ZNF577: variants seen among roughly 807,000 people sequenced by gnomAD.
ZNF577 encodes the protein zinc finger protein 577.
A neutral mutation model predicts 13.9 loss-of-function variants in ZNF577; 14 were observed. That is an observed-to-expected ratio of 1.00 (90% confidence interval 0.66 to 1.57). The LOEUF (loss-of-function observed/expected upper bound fraction) is 1.57. Ranked by LOEUF, ZNF577 falls within the 40% of genes most tolerant of loss-of-function variation. The pLI, the probability that ZNF577 is intolerant of heterozygous loss-of-function variation, is 0.00. For missense variants in ZNF577, 555 were observed against 579.2 expected, an observed-to-expected ratio of 0.96 and a Z score of 0.43; for synonymous variants, 203 against 202.9, an observed-to-expected ratio of 1.00 and a Z score of 0.00.
At chr19:51,849,426 A>G (rs1415958130) in intron 5 of ZNF577, among the ~76,000 whole-genome samples, 2 of 152,198 alleles carry the variant, frequency 1.3e-5, no homozygotes, top group Admixed American at 1.3e-4. Context: ...CGTTTCGTTC[A>G]TGAGAATTCT....
chr19:51,805,752 A>G (rs1228703609), intron 10 of ZNF577, among the ~76,000 whole-genome samples: 1 of 152,206 alleles, frequency 6.6e-6, no homozygotes, highest in East Asian at 1.9e-4. Flanking sequence ...ATGCAAAGTT[A>G]CAGAGGACAT....
At chr19:51,816,026 C>T (rs780472602) in intron 9 of ZNF577, among the ~76,000 whole-genome samples, 2 of 151,356 alleles carry the variant, frequency 1.3e-5, no homozygotes, top group Middle Eastern at 6.8e-3. Context: ...GTGACTGCAC[C>T]ACTACACCCC....
chr19:51,881,662 T>C (rs962428525), intron 1 of ZNF577, among the ~76,000 whole-genome samples: 1 of 152,144 alleles, frequency 6.6e-6, no homozygotes, highest in Non-Finnish European at 1.5e-5. Context: ...TACCCACTTT[T>C]AGAACTTTAC....
At chr19:51,860,733 T>A in intron 5 of ZNF577, 1 of 253,540 alleles carries the variant, frequency 3.9e-6, no homozygotes, top group South Asian at 4.0e-5. Context: ...CATGAAGGCT[T>A]TACCACATTT....
chr19:51,883,133 C>T (rs1441346579), intron 1 of ZNF577, among the ~76,000 whole-genome samples: 1 of 151,824 alleles, frequency 6.6e-6, no homozygotes. Context: ...GTTGGGATTA[C>T]AGGTGCCCAC....
At chr19:51,839,405 C>T (rs993099088) in intron 9 of ZNF577, among the ~76,000 whole-genome samples, 1 of 151,960 alleles carries the variant, frequency 6.6e-6, no homozygotes, top group African/African-American at 2.4e-5. Context: ...AATGATTAAA[C>T]ATAATAATAA....
At chr19:51,842,145 G>C in intron 8 of ZNF577, among the ~76,000 whole-genome samples, 1 of 152,148 alleles carries the variant, frequency 6.6e-6, no homozygotes, top group East Asian at 1.9e-4. Flanking sequence ...TATCTAATAG[G>C]CTGCAAAAGA....
downstream of ZNF577, chr19:51,862,935 T>C (rs2084519333): frequency 1.3e-5 from 2 of 152,302 alleles, no homozygotes; most frequent in African/African-American, 4.8e-5. Context: ...TTCTTTGACA[T>C]AAAATGAGTT....
downstream of ZNF577, among the ~76,000 whole-genome samples, chr19:51,865,183 G>A (rs909075687): frequency 1.1e-4 from 17 of 152,014 alleles, no homozygotes; most frequent in African/African-American, 2.9e-4. Context: ...TGCAACCTTC[G>A]CCTCTAGGGT....
chr19:51,877,713 AT>A (rs1279683566), intron 4 of ZNF577: 1 of 201,034 alleles, frequency 5.0e-6, no homozygotes, highest in African/African-American at 2.3e-5. Flanking sequence ...TCCTCAAAAA[AT>A]TAACAATGGA....
chr19:51,853,065 TAGCAGGGATGACAGGCACAGGCC>T (rs1393726333), intron 5 of ZNF577, among the ~76,000 whole-genome samples: 1 of 151,882 alleles, frequency 6.6e-6, no homozygotes, highest in Non-Finnish European at 1.5e-5. Context: ...GCCTCCAGAG[TAGCAGGGATGACAGGCACAGGCC>T]GCCCCACCCA....
rs575339798 is a variant in ZNF577 at position 51,833,942 on chromosome 19, T to C, written c.*599+5951A>G. ...GTGATATGTTGATACATGCATACAA[T>C]GTGTATAATAGTCAAATCAGGGTAA... On this transcript the variant is annotated intron_variant and NMD_transcript_variant, in intron 9 of 10. Coordinates refer to the ZNF577 transcript ENST00000638827. 1.3e-4 allele frequency among the ~76,000 whole-genome samples: 20 copies of C among 152,342 alleles called. No homozygotes were observed. The South Asian group carries it at 3.3e-3, about 25-fold the overall frequency.
At chr19:51,838,074 C>G (rs1012944892) in intron 9 of ZNF577, among the ~76,000 whole-genome samples, 1 of 152,166 alleles carries the variant, frequency 6.6e-6, no homozygotes, top group African/African-American at 2.4e-5. Flanking sequence ...CATTCAGATG[C>G]CTGACCTACA....
intron 5 of ZNF577, 95 bp downstream of exon 5, chr19:51,877,187 T>C (rs1021074771): frequency 3.1e-5 from 32 of 1,026,472 alleles, no homozygotes; most frequent in Non-Finnish European, 4.4e-5. Context: ...TACTGTGAAG[T>C]CCTCTAAAGA....
intron 4 of ZNF577, chr19:51,878,112 G>A (rs886537619): frequency 4.8e-6 from 1 of 206,334 alleles, no homozygotes; most frequent in African/African-American, 2.3e-5. Context: ...GGAGAAGTGG[G>A]GGAATGAGTA....
chr19:51,877,592 A>G (rs2084786973), intron 4 of ZNF577: 1 of 407,008 alleles, frequency 2.5e-6, no homozygotes, highest in East Asian at 3.8e-5. Context: ...AAAAAAACAA[A>G]CAGACAAACA....
chr19:51,878,801 G>A (rs894897257), intron 3 of ZNF577: 5 of 284,850 alleles, frequency 1.8e-5, no homozygotes, highest in Non-Finnish European at 3.4e-5. Context: ...AGCAGACAGG[G>A]TTAAATTACA....
chr19:51,834,116 G>A (rs975306433), intron 9 of ZNF577, among the ~76,000 whole-genome samples: 6 of 152,038 alleles, frequency 3.9e-5, no homozygotes, highest in African/African-American at 1.2e-4. Context: ...GTAGGGGCAG[G>A]GTCTTGCTCT....
intron 3 of ZNF577, among the ~76,000 whole-genome samples, chr19:51,879,571 G>T (rs1288817757): frequency 6.6e-6 from 1 of 151,956 alleles, no homozygotes; most frequent in East Asian, 1.9e-4. Flanking sequence ...CTCCAACTTG[G>T]GGGGAGAAAA....
Sources: allele counts gnomAD v4.1 joint callset (sites outside exome capture counted in the v4.1 genomes callset), GRCh38; gene constraint gnomAD v4.1.1; transcripts MANE v1.5; gene names NCBI Gene and HGNC (gene_info 2026-07-23, HGNC 2026-07-21).